PKNOX2: variants seen among roughly 807,000 people sequenced by gnomAD.
PKNOX2 encodes PBX/knotted 1 homeobox 2.
Under a neutral mutation model 53.1 loss-of-function variants are expected in PKNOX2, and 14 were observed. That is an observed-to-expected ratio of 0.26 (90% CI 0.17 to 0.41). PKNOX2 has a LOEUF of 0.41. Among genes scored for constraint, PKNOX2 ranks in the 10% least tolerant of loss-of-function variants. The pLI is 1.00. For missense variants in PKNOX2, 496 were observed against 602.8 expected, an observed-to-expected ratio of 0.82 and a Z score of 1.85; for synonymous variants, 257 against 242.8, an observed-to-expected ratio of 1.06 and a Z score of -0.54.
At chr11:125,275,136 T>G (rs1468455165) in intron 2 of PKNOX2, among the ~76,000 whole-genome samples, 2 of 152,122 alleles carry the variant, frequency 1.3e-5, no homozygotes, top group Non-Finnish European at 2.9e-5. Flanking sequence ...TAAGAAAATG[T>G]TAGGTCCTGA....
intron 2 of PKNOX2, among the ~76,000 whole-genome samples, chr11:125,294,342 A>G (rs544552894): frequency 3.9e-5 from 6 of 152,336 alleles, no homozygotes; most frequent in African/African-American, 1.2e-4. Context: ...GGCACGAACC[A>G]GAGCTAGAGA....
chr11:125,385,977 C>T (rs544154031), intron 6 of PKNOX2, among the ~76,000 whole-genome samples: 5 of 152,308 alleles, frequency 3.3e-5, no homozygotes, highest in African/African-American at 1.2e-4. Flanking sequence ...TCTTAGCACC[C>T]ACCCTTTTAC....
intron 10 of PKNOX2, among the ~76,000 whole-genome samples, chr11:125,420,297 G>A (rs745742375): frequency 6.6e-6 from 1 of 151,668 alleles, no homozygotes; most frequent in Non-Finnish European, 1.5e-5. Flanking sequence ...GGAGGCCGAG[G>A]TGGGCAGATC....
At chr11:125,187,754 G>GGA (rs1467032224) in intron 1 of PKNOX2, among the ~76,000 whole-genome samples, 1 of 152,000 alleles carries the variant, frequency 6.6e-6, no homozygotes, top group African/African-American at 2.4e-5. Flanking sequence ...CCTGATCTTA[G>GGA]GAGGAAAGCT....
At chr11:125,280,861 G>T (rs1252529094) in intron 2 of PKNOX2, among the ~76,000 whole-genome samples, 1 of 152,204 alleles carries the variant, frequency 6.6e-6, no homozygotes, top group Admixed American at 6.5e-5. Flanking sequence ...TGGCTGTGGT[G>T]TATAAGGAGT....
At chr11:125,238,279 G>C (rs1386520482) in intron 2 of PKNOX2, among the ~76,000 whole-genome samples, 1 of 152,210 alleles carries the variant, frequency 6.6e-6, no homozygotes, top group African/African-American at 2.4e-5. Flanking sequence ...CGAGAGGGGT[G>C]AGTGGACTTG....
intron 2 of PKNOX2, among the ~76,000 whole-genome samples, chr11:125,235,963 A>T (rs1942640493): frequency 6.6e-6 from 1 of 152,200 alleles, no homozygotes; most frequent in Non-Finnish European, 1.5e-5. Context: ...CTGGGCAGGC[A>T]TAGTTTCCCC....
intron 1 of PKNOX2, chr11:125,184,056 A>C (rs972002022): frequency 2.0e-5 from 3 of 152,288 alleles, no homozygotes; most frequent in African/African-American, 7.2e-5. Context: ...TGGTCTCTAC[A>C]TGAAGGAGCA....
At chr11:125,189,411 ATATGTGTGTGTGTGTGTGTG>A (rs1343759169) in intron 1 of PKNOX2, among the ~76,000 whole-genome samples, 14 of 52,428 alleles carry the variant, frequency 2.7e-4, no homozygotes, top group Admixed American at 1.1e-3. Flanking sequence ...GTGTATATAT[ATATGTGTGTGTGTGTGTGTG>A]TGTGTGTGTG....
intron 10 of PKNOX2, among the ~76,000 whole-genome samples, chr11:125,428,723 C>A (rs1456553310): frequency 6.6e-6 from 1 of 152,208 alleles, no homozygotes; most frequent in Non-Finnish European, 1.5e-5. Flanking sequence ...GCCTTGGAAG[C>A]TGTCAGTACT....
intron 1 of PKNOX2, among the ~76,000 whole-genome samples, chr11:125,205,903 G>C (rs918656266): frequency 1.3e-5 from 2 of 152,102 alleles, no homozygotes; most frequent in African/African-American, 2.4e-5. Context: ...TAATAATGAA[G>C]ATTACAATGC....
At chr11:125,177,841 C>T (rs1035938313) in intron 1 of PKNOX2, among the ~76,000 whole-genome samples, 3 of 152,034 alleles carry the variant, frequency 2.0e-5, no homozygotes, top group East Asian at 1.9e-4. Context: ...GGGGAGGCTT[C>T]GCAGAAGCAG....
At chr11:125,170,874 G>T (rs1200226516) in intron 1 of PKNOX2, among the ~76,000 whole-genome samples, 1 of 152,078 alleles carries the variant, frequency 6.6e-6, no homozygotes, top group African/African-American at 2.4e-5. Context: ...GGATAGGGCC[G>T]GGGTGGGTGG....
chr11:125,350,669 T>C (rs567399230), intron 3 of PKNOX2, among the ~76,000 whole-genome samples: 25 of 152,286 alleles, frequency 1.6e-4, no homozygotes, highest in African/African-American at 5.8e-4. Flanking sequence ...CCTCTTTCCC[T>C]TCCCCAAGGC....
chr11:125,367,107 TA>T (rs1406009306), intron 4 of PKNOX2, among the ~76,000 whole-genome samples: 3 of 152,172 alleles, frequency 2.0e-5, no homozygotes, highest in East Asian at 1.9e-4. Flanking sequence ...AGTGATGGTT[TA>T]AAAAAAATGT....
chr11:125,189,456 T>TAA, intron 1 of PKNOX2, among the ~76,000 whole-genome samples: 1 of 76,618 alleles, frequency 1.3e-5, no homozygotes, highest in Non-Finnish European at 2.4e-5. Context: ...TGTATATATA[T>TAA]ATATATATAT....
At chr11:125,313,834 G>A (rs1239546642) in intron 2 of PKNOX2, among the ~76,000 whole-genome samples, 1 of 152,194 alleles carries the variant, frequency 6.6e-6, no homozygotes, top group African/African-American at 2.4e-5. Flanking sequence ...TGGTGTCCAT[G>A]GTATTGGAAA....
Position 125,430,121 on chromosome 11 carries a change from C to T in PKNOX2, c.1172C>T (p.Ala391Val), listed in dbSNP as rs372793703. 17 of 1,613,880 alleles carry T rather than the reference C, an allele frequency of 1.1e-5. No individual in the cohort carries two copies. In the African/African-American group the frequency reaches 2.1e-4, roughly 20 times the overall value. Reference protein sequence around the residue: ...AAGVLQQQGGAPGTNPDGSIN... With the variant: ...AAGVLQQQGGVPGTNPDGSIN... ...GGGGTGCTGCAGCAGCAGGGCGGTG[C>T]CCCAGGGACAAACCCCGATGGTAAG... The change falls in exon 12 of 13, where the codon GCC becomes GTC. Residue 391 changes from alanine to valine, a missense_variant. This residue lies in a region of PKNOX2 where 139 missense variants were observed against 161.3 expected (regional missense o/e 0.86). Coordinates refer to ENST00000298282, the MANE Select transcript of PKNOX2 (RefSeq NM_001382323.2).
chr11:125,351,889 T>C (rs1281146636), intron 4 of PKNOX2, among the ~76,000 whole-genome samples: 1 of 152,120 alleles, frequency 6.6e-6, no homozygotes, highest in Non-Finnish European at 1.5e-5. Flanking sequence ...TCAGAACTCT[T>C]CTGGGCTTCT....
Sources: allele counts gnomAD v4.1 joint callset (sites outside exome capture counted in the v4.1 genomes callset), GRCh38; gene constraint gnomAD v4.1.1; regional missense constraint gnomAD v4.1.1; transcripts MANE v1.5; gene names NCBI Gene and HGNC (gene_info 2026-07-23, HGNC 2026-07-21).